The following TBCK variants were observed in gnomAD, a reference collection of about 807,000 sequenced individuals.
The protein encoded by TBCK is TBC domain-containing protein kinase-like protein.
A neutral mutation model predicts 113.4 loss-of-function variants in TBCK; 99 were observed. That is an observed-to-expected ratio of 0.87 (90% CI 0.74 to 1.03). The LOEUF is 1.03. Ranked by LOEUF, TBCK falls within the 50% of genes least tolerant of loss-of-function variation. TBCK has a pLI of 0.00. For synonymous variants in TBCK, 369 were observed against 370.8 expected, an observed-to-expected ratio of 1.00 and a Z score of 0.05; for missense variants, 1,045 against 1,061.3, an observed-to-expected ratio of 0.98 and a Z score of 0.21.
chr4:106,242,192 T>G (rs1014196768), intron 12 of TBCK, among the ~76,000 whole-genome samples: 1 of 152,102 alleles, frequency 6.6e-6, no homozygotes, highest in Admixed American at 6.6e-5. Context: ...ATTAACAATT[T>G]TTTAAAATGT....
At chr4:106,064,256 A>G (rs1736373736) in intron 25 of TBCK, among the ~76,000 whole-genome samples, 1 of 151,890 alleles carries the variant, frequency 6.6e-6, no homozygotes, top group African/African-American at 2.4e-5. Context: ...CTGAAATCAC[A>G]TTTTAAACTT....
rs1347111508 is a variant in TBCK at position 106,137,365 on chromosome 4, C to A, written c.2236-20987G>T. Among the ~76,000 whole-genome samples the A allele has an allele frequency of 2.1e-5, 3 of 139,556 alleles. 1 individual carries two copies. Among genetic ancestry groups the A allele is most frequent in the Non-Finnish European group, 1.6e-5 (1 of 61,532 alleles). 91.6% of individuals were successfully genotyped at this position (139,556 alleles called of 152,430 possible). A position where few individuals can be genotyped will look rare whatever the true frequency, so the allele number is the denominator to read the frequency against. Reference sequence around the variant, plus strand: ...ATTTTTAGGGTAATATTAATCAATTCTCATTTTTCCAAATGTTTACAATAA... The same window carrying A: ...ATTTTTAGGGTAATATTAATCAATTATCATTTTTCCAAATGTTTACAATAA... On this transcript the variant is annotated intron_variant, in intron 23 of 25. Transcript: ENST00000394708.
chr4:106,124,459 T>A lies in TBCK; in HGVS notation c.2236-8081A>T, dbSNP rs538755113. On this transcript the variant is annotated intron_variant, in intron 23 of 25. Transcript: ENST00000394708. ...TCAGTGTGGCGATTCCTCAGGGATC[T>A]AGAACTAGAAATACCATTTGACCCA... 3.9e-5 allele frequency among the ~76,000 whole-genome samples: 6 copies of A among 152,310 alleles called. No homozygotes were observed. The East Asian group carries it at 1.2e-3, about 29-fold the overall frequency.
chr4:106,098,048 A>G (rs745366404), intron 24 of TBCK, among the ~76,000 whole-genome samples: 47 of 152,202 alleles, frequency 3.1e-4, no homozygotes, highest in Non-Finnish European at 6.3e-4. Context: ...ACTGTATTAC[A>G]GTGGAAAACA....
intron 25 of TBCK, among the ~76,000 whole-genome samples, chr4:106,048,951 G>A (rs2149442101): frequency 6.6e-6 from 1 of 152,222 alleles, no homozygotes; most frequent in Non-Finnish European, 1.5e-5. Flanking sequence ...GAAATGGAGT[G>A]CAAGGAGATA....
At chr4:106,246,983 C>A (rs938796374) in intron 10 of TBCK, among the ~76,000 whole-genome samples, 156 bp downstream of exon 10, 16 of 152,074 alleles carry the variant, frequency 1.1e-4, no homozygotes, top group African/African-American at 3.1e-4. Context: ...CTGCACCCAG[C>A]CAGTCAGTTA....
At chr4:106,165,587 A>T (rs1475377105) in intron 23 of TBCK, among the ~76,000 whole-genome samples, 3 of 151,802 alleles carry the variant, frequency 2.0e-5, no homozygotes, top group Non-Finnish European at 3.0e-5. Context: ...ATTTAGATAT[A>T]GAAGACTGTC....
intron 23 of TBCK, among the ~76,000 whole-genome samples, chr4:106,162,569 A>G (rs1343018948): frequency 6.6e-6 from 1 of 152,148 alleles, no homozygotes; most frequent in Non-Finnish European, 1.5e-5. Context: ...CTGGATATCC[A>G]GGCATTTCCA....
chr4:106,081,651 G>T (rs978200155), intron 25 of TBCK, among the ~76,000 whole-genome samples: 3 of 150,912 alleles, frequency 2.0e-5, no homozygotes, highest in African/African-American at 7.3e-5. Flanking sequence ...TGCACATCCT[G>T]TATGTAACCT....
At chr4:106,280,339 G>A (rs1764461060) in intron 3 of TBCK, among the ~76,000 whole-genome samples, 1 of 152,010 alleles carries the variant, frequency 6.6e-6, no homozygotes, top group Non-Finnish European at 1.5e-5. Context: ...TTAGCCCCTT[G>A]TCAGACAGTT....
In TBCK at chr4:106,307,178, A is replaced by T. The variant is rs555882989; in HGVS notation, c.193+1590T>A. Among the ~76,000 whole-genome samples, 14 of 152,260 alleles carry T rather than the reference A, an allele frequency of 9.2e-5. No individual in the cohort carries two copies. The South Asian group carries it at 2.3e-3, about 25-fold the overall frequency. ...CAGCAACATGTACAATCTTTCAAAAAATAATAAAATGTATTAGCAGTCCAT... is the reference window on the plus strand; with the variant it reads ...CAGCAACATGTACAATCTTTCAAAATATAATAAAATGTATTAGCAGTCCAT... On this transcript the variant is annotated intron_variant, in intron 2 of 25. Coordinates refer to ENST00000394708, the MANE Select transcript of TBCK (RefSeq NM_001163435.3).
At chr4:106,083,062 C>G (rs966995305) in intron 25 of TBCK, among the ~76,000 whole-genome samples, 2 of 152,242 alleles carry the variant, frequency 1.3e-5, no homozygotes, top group Non-Finnish European at 2.9e-5. Flanking sequence ...CTTAAGCCCA[C>G]CTAACTCTTG....
chr4:106,295,086 T>C lies in TBCK; in HGVS notation c.266+8A>G, dbSNP rs559207704. 5.0e-6 allele frequency: 8 copies of C among 1,609,336 alleles called. No individual in the cohort carries two copies. The South Asian group carries it at 8.8e-5, about 18-fold the overall frequency. On this transcript the variant is annotated splice_region_variant and intron_variant, in intron 3 of 25. Coordinates refer to ENST00000394708, the MANE Select transcript of TBCK (RefSeq NM_001163435.3). ...TTTTCATTTAATTGTTCTGATACTA[T>C]ACAGTACCTCACAGGTTTCCTTTCT... is the stretch of plus-strand genomic sequence containing the variant.
chr4:106,121,065 TG>T (rs1242422962), intron 23 of TBCK, among the ~76,000 whole-genome samples: 1 of 151,960 alleles, frequency 6.6e-6, no homozygotes, highest in African/African-American at 2.4e-5. Flanking sequence ...TTGAAAACTT[TG>T]AAAAAAAGTT....
chr4:106,127,907 G>C (rs1745424442), intron 23 of TBCK, among the ~76,000 whole-genome samples: 1 of 152,018 alleles, frequency 6.6e-6, no homozygotes, highest in East Asian at 1.9e-4. Flanking sequence ...TTTTATTTAT[G>C]AAGCTGCCTT....
chr4:106,129,398 T>G (rs1745609465), intron 23 of TBCK, among the ~76,000 whole-genome samples: 1 of 152,226 alleles, frequency 6.6e-6, no homozygotes, highest in Non-Finnish European at 1.5e-5. Context: ...GTGTTTGGTT[T>G]TCTGTTCCTG....
At chr4:106,147,062 G>A (rs887311728) in intron 23 of TBCK, among the ~76,000 whole-genome samples, 2 of 152,156 alleles carry the variant, frequency 1.3e-5, no homozygotes, top group African/African-American at 4.8e-5. Context: ...TGAGATTACA[G>A]CTACTCAGTC....
intron 23 of TBCK, among the ~76,000 whole-genome samples, chr4:106,121,547 C>T (rs1264650956): frequency 1.3e-5 from 2 of 151,786 alleles, no homozygotes; most frequent in African/African-American, 4.8e-5. Flanking sequence ...ACAGAACTCT[C>T]CACCCTAAAT....
At chr4:106,085,528 C>T (rs1411327398) in intron 25 of TBCK, among the ~76,000 whole-genome samples, 1 of 152,186 alleles carries the variant, frequency 6.6e-6, no homozygotes, top group African/African-American at 2.4e-5. Context: ...GAGACTTCAA[C>T]ACCCCACTGT....
Sources: allele counts gnomAD v4.1 joint callset (sites outside exome capture counted in the v4.1 genomes callset), GRCh38; gene constraint gnomAD v4.1.1; transcripts MANE v1.5; gene names NCBI Gene and HGNC (gene_info 2026-07-23, HGNC 2026-07-21).